Variants in CNTNAP2 observed in about 807,000 individuals in gnomAD.
CNTNAP2 encodes the protein contactin associated protein 2.
In CNTNAP2, 98 loss-of-function variants were observed where a neutral mutation model predicts 155.2. That is an observed-to-expected ratio of 0.63 (90% CI 0.54 to 0.75). The LOEUF (loss-of-function observed/expected upper bound fraction) is 0.75, where lower values mean the gene tolerates loss of function less well. Ranked by LOEUF, CNTNAP2 falls within the 30% of genes least tolerant of loss-of-function variation. CNTNAP2 has a pLI of 0.00. For missense variants in CNTNAP2, 1,727 were observed against 1,688.1 expected (o/e 1.02, Z -0.40); for synonymous variants, 651 against 631.2 (o/e 1.03, Z -0.47).
intron 21 of CNTNAP2, among the ~76,000 whole-genome samples, chr7:148,331,609 G>C (rs1798015842): frequency 3.3e-5 from 5 of 152,120 alleles, no homozygotes; most frequent in African/African-American, 9.7e-5. Flanking sequence ...TGGATGGAAT[G>C]GACGGATGGA....
chr7:146,468,363 C>A (rs1397797161), intron 1 of CNTNAP2, among the ~76,000 whole-genome samples: 1 of 151,804 alleles, frequency 6.6e-6, no homozygotes, highest in East Asian at 1.9e-4. Flanking sequence ...ATAATTCATA[C>A]CCCAAACCTC....
At chr7:147,255,217 T>TTACA (rs1272206781) in intron 8 of CNTNAP2, among the ~76,000 whole-genome samples, 1 of 152,110 alleles carries the variant, frequency 6.6e-6, no homozygotes, top group Non-Finnish European at 1.5e-5. Flanking sequence ...TTGGTAAATA[T>TTACA]TACATACACA....
chr7:147,935,655 A>G (rs1161441332), intron 14 of CNTNAP2, among the ~76,000 whole-genome samples: 2 of 152,182 alleles, frequency 1.3e-5, no homozygotes, highest in Non-Finnish European at 1.5e-5. Context: ...CACTTTTTGA[A>G]CTATTACAAA....
intron 9 of CNTNAP2, among the ~76,000 whole-genome samples, chr7:147,353,108 C>CACGTAT (rs1417321067): frequency 2.7e-5 from 4 of 148,710 alleles, no homozygotes; most frequent in African/African-American, 1.0e-4. Flanking sequence ...CACACACACA[C>CACGTAT]ATGTATATGT....
chr7:147,351,901 T>A (rs1011119488), intron 9 of CNTNAP2, among the ~76,000 whole-genome samples: 2 of 151,948 alleles, frequency 1.3e-5, no homozygotes, highest in African/African-American at 2.4e-5. Context: ...AATATGAACA[T>A]GTGATTTAAG....
intron 10 of CNTNAP2, among the ~76,000 whole-genome samples, chr7:147,476,210 A>G (rs374477885): frequency 1.4e-4 from 22 of 151,880 alleles, no homozygotes; most frequent in Non-Finnish European, 2.4e-4. Flanking sequence ...GGTTCACACC[A>G]TTCTCCTGCC....
intron 9 of CNTNAP2, among the ~76,000 whole-genome samples, chr7:147,314,914 G>T (rs1278551307): frequency 1.3e-5 from 2 of 151,068 alleles, no homozygotes; most frequent in Non-Finnish European, 3.0e-5. Flanking sequence ...AAGCTATCAG[G>T]CTGAATGAAG....
chr7:147,016,925 C>A lies in CNTNAP2; in HGVS notation c.403-26982C>A, dbSNP rs539113033. On this transcript the variant is annotated intron_variant, in intron 3 of 23. Coordinates refer to ENST00000361727, the MANE Select transcript of CNTNAP2 (RefSeq NM_014141.6). ...GAGAAAAATGTGTCCGGCCAATGGA[C>A]ACTCTGAGCACATAAACTACTGAAG... Among the ~76,000 whole-genome samples, 4 of 151,678 alleles carry A rather than the reference C, an allele frequency of 2.6e-5. No individual in the cohort carries two copies. The South Asian group carries it at 8.3e-4, about 32-fold the overall frequency.
At chr7:146,838,291 C>T (rs1803655213) in intron 2 of CNTNAP2, among the ~76,000 whole-genome samples, 1 of 152,006 alleles carries the variant, frequency 6.6e-6, no homozygotes. Context: ...ATTGTCCAGT[C>T]CCTAAAACAG....
At chr7:147,848,798 C>A (rs1036511214) in intron 13 of CNTNAP2, among the ~76,000 whole-genome samples, 1 of 151,798 alleles carries the variant, frequency 6.6e-6, no homozygotes, top group Non-Finnish European at 1.5e-5. Flanking sequence ...TACCATAGAA[C>A]AAAAATTCAT....
At chr7:147,365,513 T>C in intron 9 of CNTNAP2, among the ~76,000 whole-genome samples, 1 of 152,170 alleles carries the variant, frequency 6.6e-6, no homozygotes, top group Non-Finnish European at 1.5e-5. Context: ...TAATAAATAT[T>C]TTCTACTATT....
chr7:146,648,741 C>G (rs554233838), intron 1 of CNTNAP2, among the ~76,000 whole-genome samples: 1 of 151,980 alleles, frequency 6.6e-6, no homozygotes, highest in African/African-American at 2.4e-5. Flanking sequence ...CCTGACATAG[C>G]AAAAAGATAA....
At chr7:146,929,316 C>A (rs1424424655) in intron 3 of CNTNAP2, among the ~76,000 whole-genome samples, 1 of 152,178 alleles carries the variant, frequency 6.6e-6, no homozygotes, top group Non-Finnish European at 1.5e-5. Context: ...ACTACTGATA[C>A]CCAGGCAAAC....
chr7:146,211,493 CT>C (rs1799035116), intron 1 of CNTNAP2, among the ~76,000 whole-genome samples: 1 of 152,048 alleles, frequency 6.6e-6, no homozygotes, highest in Non-Finnish European at 1.5e-5. Flanking sequence ...TTCCTTTTTG[CT>C]TTATAATGGG....
intron 1 of CNTNAP2, among the ~76,000 whole-genome samples, chr7:146,457,225 A>G (rs1325453177): frequency 1.3e-5 from 2 of 151,720 alleles, no homozygotes; most frequent in African/African-American, 2.4e-5. Flanking sequence ...GAAGTGTTGA[A>G]TTAGATTTCA....
At chr7:146,653,385 C>G (rs1585026365) in intron 1 of CNTNAP2, among the ~76,000 whole-genome samples, 1 of 152,078 alleles carries the variant, frequency 6.6e-6, no homozygotes, top group African/African-American at 2.4e-5. Context: ...AATATAATAG[C>G]GAACAAGACA....
At chr7:146,185,347 A>G (rs1562981555) in intron 1 of CNTNAP2, among the ~76,000 whole-genome samples, 1 of 152,212 alleles carries the variant, frequency 6.6e-6, no homozygotes, top group African/African-American at 2.4e-5. Flanking sequence ...CTATTGGTTT[A>G]TATTTTTTCC....
chr7:148,184,559 C>G (rs970093925), intron 18 of CNTNAP2, among the ~76,000 whole-genome samples: 19 of 152,334 alleles, frequency 1.2e-4, no homozygotes, highest in African/African-American at 4.6e-4. Context: ...TTATGTGAAT[C>G]ATTTCTCAGC....
chr7:146,550,411 T>TG (rs1554447407), intron 1 of CNTNAP2, among the ~76,000 whole-genome samples: 27 of 115,554 alleles, frequency 2.3e-4, no homozygotes, highest in South Asian at 1.1e-3. Flanking sequence ...GTTTTTTTTT[T>TG]TTTTTTTTTT....
Sources: allele counts gnomAD v4.1 joint callset (sites outside exome capture counted in the v4.1 genomes callset), GRCh38; gene constraint gnomAD v4.1.1; transcripts MANE v1.5; gene names NCBI Gene and HGNC (gene_info 2026-07-23, HGNC 2026-07-21).